PHACTR2: variants seen among roughly 807,000 people sequenced by gnomAD.
The protein encoded by PHACTR2 is chromosome 6 open reading frame 56.
PHACTR2 carries 30 observed loss-of-function variants against 76.0 expected under a neutral mutation model. The ratio of observed to expected loss-of-function variants is 0.39; its 90% CI spans 0.30 to 0.54. The LOEUF is 0.54. Ranked by LOEUF, PHACTR2 falls within the 20% of genes least tolerant of loss-of-function variation. The pLI is 0.61. For missense variants in PHACTR2, 696 were observed against 781.1 expected, an observed-to-expected ratio of 0.89 and a Z score of 1.30; for synonymous variants, 292 against 292.5, an observed-to-expected ratio of 1.00 and a Z score of 0.02.
At chr6:143,718,741 A>G (rs1413019355) in intron 2 of PHACTR2, among the ~76,000 whole-genome samples, 1 of 152,220 alleles carries the variant, frequency 6.6e-6, no homozygotes, top group African/African-American at 2.4e-5. Flanking sequence ...TATTTTCCAC[A>G]TCTAGAAAGT....
intron 2 of PHACTR2, among the ~76,000 whole-genome samples, chr6:143,734,300 C>T (rs553674033): frequency 1.3e-5 from 2 of 151,148 alleles, no homozygotes; most frequent in African/African-American, 2.5e-5. Flanking sequence ...TCTTACAGAT[C>T]GATAAAACCA....
Position 143,777,986 on chromosome 6 carries a change from C to A in PHACTR2, c.1645+603C>A, listed in dbSNP as rs1053742632. On this transcript the variant is annotated intron_variant, in intron 9 of 12. Transcript: ENST00000440869. The surrounding 1 kb of genome is among the most constrained non-coding windows in gnomAD (Gnocchi z 4.6). ...CTCTTTGACTTTAGTTTTTACTCAT[C>A]CCTGCAGTAGTATTTATTGGAGTTA... 6.6e-6 allele frequency among the ~76,000 whole-genome samples: 1 copy of A among 152,178 alleles called. No homozygotes were observed. Among genetic ancestry groups the A allele is most frequent in the Admixed American group, 6.5e-5 (1 of 15,278 alleles).
At position 143,757,209 on chromosome 6, in the gene PHACTR2, T is replaced by C. The variant is rs976025228; in HGVS notation, c.455-3192T>C. On this transcript the variant is annotated intron_variant, in intron 4 of 12. Transcript: ENST00000440869. The surrounding 1 kb of genome is among the most constrained non-coding windows in gnomAD (Gnocchi z 4.2). ...AATGAAAGTCTACCATAGGTGAGAC[T>C]CTACTAGGGGCCAGGAAAAGAGTAG... Among the ~76,000 whole-genome samples, 36 of 152,196 alleles carry C rather than the reference T, an allele frequency of 2.4e-4. No homozygotes were observed. The highest frequency in any genetic ancestry group is 2.2e-4 in the Non-Finnish European group (15 of 68,036).
intron 1 of PHACTR2, among the ~76,000 whole-genome samples, chr6:143,568,974 C>G (rs1475247404): frequency 2.6e-5 from 4 of 152,230 alleles, no homozygotes. Flanking sequence ...CTCTCATCCA[C>G]TCAGTTCTGC....
At chr6:143,620,068 A>G (rs1776125742) in intron 1 of PHACTR2, among the ~76,000 whole-genome samples, 1 of 152,230 alleles carries the variant, frequency 6.6e-6, no homozygotes, top group African/African-American at 2.4e-5. Context: ...AAATAACTGT[A>G]TGACTGTGAC....
rs1781167247 is a variant in PHACTR2 at position 143,541,045 on chromosome 6, C to A, written c.217+3838C>A. Among the ~76,000 whole-genome samples, 2 of 152,200 alleles carry A rather than the reference C, an allele frequency of 1.3e-5. No homozygotes were observed. Among genetic ancestry groups the A allele is most frequent in the Admixed American group, 1.3e-4 (2 of 15,286 alleles). On this transcript the variant is annotated intron_variant, in intron 1 of 11. Transcript: ENST00000367584. The surrounding 1 kb of genome is among the most constrained non-coding windows in gnomAD (Gnocchi z 5.3). ...GGCTCAAGGGATCCTGCTGCCTCAG[C>A]CTCCTGAGTAGCTGGTGTTATAGGC...
rs71564445 is a variant in PHACTR2 at position 143,653,857 on chromosome 6, A to G, written c.13+45535A>G. Among the ~76,000 whole-genome samples the G allele has an allele frequency of 6.6e-6, 1 of 152,192 alleles. No homozygotes were observed. Among genetic ancestry groups the G allele is most frequent in the African/African-American group, 2.4e-5 (1 of 41,450 alleles). On this transcript the variant is annotated intron_variant, in intron 1 of 11. Transcript: ENST00000305766. This position sits in a 1 kb window ranked among gnomAD's most constrained non-coding sequence, Gnocchi z 4.9. ...ACTAAAAGCACGAAAAACAAAAGAA[A>G]CAATAATAATTTGGACATCATCAAA...
intron 1 of PHACTR2, among the ~76,000 whole-genome samples, chr6:143,612,476 A>G (rs1378395362): frequency 1.3e-5 from 2 of 152,174 alleles, no homozygotes; most frequent in Non-Finnish European, 2.9e-5. Context: ...AGAATATTTG[A>G]CTATGTTTGC....
intron 1 of PHACTR2, among the ~76,000 whole-genome samples, chr6:143,594,114 A>G (rs1253650601): frequency 1.3e-5 from 2 of 152,238 alleles, no homozygotes; most frequent in Admixed American, 6.5e-5. Flanking sequence ...CTGATGGTTC[A>G]ATATATACAA....
At chr6:143,763,218 G>C (rs1405553651) in intron 5 of PHACTR2, among the ~76,000 whole-genome samples, 1 of 152,006 alleles carries the variant, frequency 6.6e-6, no homozygotes, top group Non-Finnish European at 1.5e-5. Flanking sequence ...AATTACCCAG[G>C]CGTGGTGGTG....
intron 1 of PHACTR2, among the ~76,000 whole-genome samples, chr6:143,586,887 C>T (rs1207831543): frequency 6.6e-6 from 1 of 152,148 alleles, no homozygotes; most frequent in African/African-American, 2.4e-5. Flanking sequence ...AGTCGAGTCC[C>T]GCCTCCTACC....
intron 11 of PHACTR2, among the ~76,000 whole-genome samples, chr6:143,802,939 C>T (rs572080651): frequency 1.1e-4 from 17 of 152,204 alleles, no homozygotes; most frequent in South Asian, 2.1e-4. Flanking sequence ...TTTTTTCAAA[C>T]AACTAGTCCT....
Position 143,683,834 on chromosome 6 carries a change from A to G in PHACTR2, c.46+5625A>G, listed in dbSNP as rs181385848. Among the ~76,000 whole-genome samples, 11 of 152,304 alleles carry G rather than the reference A, an allele frequency of 7.2e-5. No homozygotes were observed. In the Middle Eastern group the frequency reaches 0.01, roughly 141 times the overall value. On this transcript the variant is annotated intron_variant, in intron 1 of 12. Transcript: ENST00000440869. The surrounding 1 kb of genome is among the most constrained non-coding windows in gnomAD (Gnocchi z 4.1). Reference sequence around the variant, plus strand: ...CTCCCTCCCAGAATCCTCCAGTCCCACTTTTCATCTATAACCCAGCATGAA... The same window carrying G: ...CTCCCTCCCAGAATCCTCCAGTCCCGCTTTTCATCTATAACCCAGCATGAA...
At position 143,733,914 on chromosome 6, in the gene PHACTR2, A is replaced by G. The variant is rs779226010; in HGVS notation, c.215-15071A>G. Reference sequence around the variant, plus strand: ...CGTATGCTTTTAAAAAATATCGTCTATTATTTTCCTAAAGGTATATAATTG... The same window carrying G: ...CGTATGCTTTTAAAAAATATCGTCTGTTATTTTCCTAAAGGTATATAATTG... On this transcript the variant is annotated intron_variant, in intron 2 of 12. Coordinates refer to ENST00000440869, the MANE Select transcript of PHACTR2 (RefSeq NM_001100164.2). This position sits in a 1 kb window ranked among gnomAD's most constrained non-coding sequence, Gnocchi z 4.0. 1.2e-4 allele frequency among the ~76,000 whole-genome samples: 19 copies of G among 152,328 alleles called. No homozygotes were observed. The highest frequency in any genetic ancestry group is 1.6e-4 in the Non-Finnish European group (11 of 68,024).
chr6:143,729,523 G>A (rs1417564496), intron 2 of PHACTR2, among the ~76,000 whole-genome samples: 10 of 152,050 alleles, frequency 6.6e-5, no homozygotes, highest in African/African-American at 1.9e-4. Context: ...CAAGGGGTGA[G>A]GTTTGGGTCA....
intron 7 of PHACTR2, 102 bp from the exon 8 acceptor site, chr6:143,773,957 G>T (rs969689527): frequency 1.0e-5 from 9 of 859,216 alleles, no homozygotes; most frequent in Non-Finnish European, 1.6e-5. Flanking sequence ...TGAGGAGAAA[G>T]AATTTGGTCT....
chr6:143,614,486 C>G (rs1057138799), intron 1 of PHACTR2, among the ~76,000 whole-genome samples: 1 of 152,074 alleles, frequency 6.6e-6, no homozygotes, highest in African/African-American at 2.4e-5. Context: ...ATATAGGAAG[C>G]CATTTTTGGT....
chr6:143,676,295 C>T (rs1777243378), upstream of PHACTR2, among the ~76,000 whole-genome samples: 1 of 152,114 alleles, frequency 6.6e-6, no homozygotes, highest in Admixed American at 6.5e-5. This position sits in a 1 kb window ranked among gnomAD's most constrained non-coding sequence, Gnocchi z 4.8. Context: ...TATAGTGCAC[C>T]TCCTTGATCT....
chr6:143,789,111 G>T lies in PHACTR2; in HGVS notation c.1845+201G>T, dbSNP rs1775620544. On this transcript the variant is annotated intron_variant, in intron 11 of 12. Transcript: ENST00000440869. This position sits in a 1 kb window ranked among gnomAD's most constrained non-coding sequence, Gnocchi z 5.1. Reference sequence around the variant, plus strand: ...TCTTTCAACTAAGTCTCAGAGAAAAGTAGTTATTTACCATATAACCTACCT... The same window carrying T: ...TCTTTCAACTAAGTCTCAGAGAAAATTAGTTATTTACCATATAACCTACCT... 2.2e-6 allele frequency: 1 copy of T among 455,552 alleles called. No homozygotes were observed. Among genetic ancestry groups the T allele is most frequent in the Non-Finnish European group, 3.9e-6 (1 of 253,510 alleles). 28.2% of individuals were successfully genotyped at this position (455,552 alleles called of 1,614,324 possible).
Sources: gnomAD v4.1 joint callset for allele counts (sites outside exome capture counted in the v4.1 genomes callset) on GRCh38, gnomAD v4.1.1 for gene constraint, Gnocchi (gnomAD v3.1) non-coding constraint, MANE v1.5 for transcripts, NCBI Gene and HGNC (gene_info 2026-07-23, HGNC 2026-07-21) for gene names.